The following CPPED1 variants were observed in gnomAD, a reference collection of about 807,000 sequenced individuals.
The protein encoded by CPPED1 is serine/threonine-protein phosphatase CPPED1.
In CPPED1, 28 loss-of-function variants were observed where a neutral mutation model predicts 28.0. The observed-to-expected ratio is 1.00, with a 90% CI of 0.74 to 1.37. The LOEUF is 1.37. Among genes scored for constraint, CPPED1 ranks in the 40% most tolerant of loss-of-function variants. The pLI, the probability that CPPED1 is intolerant of heterozygous loss-of-function variation, is 0.00. For synonymous variants in CPPED1, 198 were observed against 180.2 expected (o/e 1.10, Z -0.79); for missense variants, 504 against 416.5 (o/e 1.21, Z -1.83).
intron 2 of CPPED1, among the ~76,000 whole-genome samples, chr16:12,724,124 G>C (rs973321177): frequency 3.9e-5 from 6 of 152,116 alleles, no homozygotes; most frequent in East Asian, 1.9e-4. Context: ...GCTTCCTCCA[G>C]GTCAGGAATG....
intron 2 of CPPED1, among the ~76,000 whole-genome samples, chr16:12,712,856 A>C (rs1054281529): frequency 3.3e-5 from 5 of 152,218 alleles, no homozygotes; most frequent in Non-Finnish European, 4.4e-5. Flanking sequence ...AAAACATTTC[A>C]GTTTCCTGAA....
intron 2 of CPPED1, among the ~76,000 whole-genome samples, chr16:12,758,067 CCTTT>C (rs1356357192): frequency 3.3e-5 from 5 of 152,016 alleles, no homozygotes; most frequent in Non-Finnish European, 5.9e-5. Context: ...AAACAAAGCC[CCTTT>C]CTATCTCCCA....
intron 3 of CPPED1, among the ~76,000 whole-genome samples, chr16:12,678,034 A>G (rs974738805): frequency 3.3e-5 from 5 of 152,206 alleles, no homozygotes; most frequent in African/African-American, 9.6e-5. Context: ...GGCCACCCTC[A>G]CTAATAAAGC....
At chr16:12,762,102 T>A (rs75202666) in intron 2 of CPPED1, among the ~76,000 whole-genome samples, 2,690 of 152,282 alleles carry the variant, frequency 0.018, 68 homozygotes, top group East Asian at 0.12. Context: ...AGTTACAGTC[T>A]TAAAATAAAC....
rs1441603172 is a variant in CPPED1, at chr16:12,709,980, G to C, written c.290-4931C>G. Among the ~76,000 whole-genome samples the C allele has an allele frequency of 1.3e-5, 2 of 148,330 alleles. No individual in the cohort carries two copies. The highest frequency in any genetic ancestry group is 5.0e-5 in the African/African-American group (2 of 40,156). On this transcript the variant is annotated intron_variant, in intron 2 of 3. Coordinates refer to ENST00000381774, the MANE Select transcript of CPPED1 (RefSeq NM_018340.3). This position sits in a 1 kb window ranked among gnomAD's most constrained non-coding sequence, Gnocchi z 4.4. The stretch of plus-strand genomic sequence containing the variant: ...GAAGGGAAGGAAGGCAAGGAAGGAA[G>C]GAAGGGAAGAGAAGAGAAGGAAGGA...
At chr16:12,702,716 G>A (rs1029837564) in intron 3 of CPPED1, among the ~76,000 whole-genome samples, 2 of 152,042 alleles carry the variant, frequency 1.3e-5, no homozygotes, top group Non-Finnish European at 2.9e-5. Flanking sequence ...CATTAGATCT[G>A]GCCAGCTGCG....
At chr16:12,675,070 A>T (rs2079871296) in intron 3 of CPPED1, among the ~76,000 whole-genome samples, 1 of 152,234 alleles carries the variant, frequency 6.6e-6, no homozygotes, top group African/African-American at 2.4e-5. Flanking sequence ...AGGACCTATA[A>T]GAAGTTTTAC....
intron 3 of CPPED1, among the ~76,000 whole-genome samples, chr16:12,672,688 C>A (rs2079858603): frequency 6.6e-6 from 1 of 152,150 alleles, no homozygotes; most frequent in African/African-American, 2.4e-5. Flanking sequence ...GTGAGAGGCA[C>A]ATCATTCTCT....
chr16:12,679,421 G>A (rs2079893930), intron 3 of CPPED1, among the ~76,000 whole-genome samples: 1 of 152,004 alleles, frequency 6.6e-6, no homozygotes. Context: ...TAAAAATACA[G>A]AATATCAAAC....
chr16:12,684,940 T>C (rs1162644691), intron 3 of CPPED1, among the ~76,000 whole-genome samples: 2 of 152,194 alleles, frequency 1.3e-5, no homozygotes, highest in African/African-American at 4.8e-5. Context: ...CTCCCCTTCG[T>C]TGATATTATC....
intron 2 of CPPED1, among the ~76,000 whole-genome samples, chr16:12,710,507 A>C (rs1382132447): frequency 6.6e-6 from 1 of 152,248 alleles, no homozygotes; most frequent in Admixed American, 6.5e-5. Flanking sequence ...ATGAAAATGC[A>C]AAACGTTTGT....
At chr16:12,716,848 G>C (rs887942021) in intron 2 of CPPED1, among the ~76,000 whole-genome samples, 10 of 151,752 alleles carry the variant, frequency 6.6e-5, no homozygotes, top group African/African-American at 2.2e-4. Context: ...CTAGGGAGGG[G>C]CCCAGACATG....
chr16:12,778,477 T>C (rs950344247), intron 2 of CPPED1, among the ~76,000 whole-genome samples: 15 of 152,062 alleles, frequency 9.9e-5, no homozygotes, highest in African/African-American at 3.1e-4. Flanking sequence ...GGTTTCACCA[T>C]GTTGGCCAGG....
rs1230659476 is a variant in CPPED1 at position 12,803,792 on chromosome 16, G to C, written c.-16C>G. ...CAGCCGACATGGCGAGCGAGTTTCTGGCCTTCACTTAGAACACTGCGTGGG... is the reference window on the plus strand; with the variant it reads ...CAGCCGACATGGCGAGCGAGTTTCTCGCCTTCACTTAGAACACTGCGTGGG... On this transcript the variant is annotated 5_prime_UTR_variant, in exon 1 of 4. Transcript: ENST00000381774. 1.9e-6 allele frequency: 3 copies of C among 1,597,108 alleles called. No homozygotes were observed. In the South Asian group the frequency reaches 3.4e-5, roughly 18 times the overall value.
intron 2 of CPPED1, among the ~76,000 whole-genome samples, chr16:12,756,000 G>A (rs748246453): frequency 8.5e-5 from 13 of 152,082 alleles, no homozygotes; most frequent in Non-Finnish European, 1.6e-4. Flanking sequence ...GCGTGGTCGC[G>A]GGCACCTGTA....
At chr16:12,675,840 GGA>G (rs2141169379) in intron 3 of CPPED1, among the ~76,000 whole-genome samples, 1 of 152,278 alleles carries the variant, frequency 6.6e-6, no homozygotes, top group East Asian at 1.9e-4. Context: ...TAAAAAAGAG[GGA>G]GAGAAATGGA....
chr16:12,664,592 G>C lies in CPPED1; in HGVS notation c.*294C>G. On this transcript the variant is annotated 3_prime_UTR_variant, in exon 4 of 4. Coordinates refer to ENST00000381774, the MANE Select transcript of CPPED1 (RefSeq NM_018340.3). This position sits in a 1 kb window ranked among gnomAD's most constrained non-coding sequence, Gnocchi z 4.2. ...AACCAGAATACAATCCAATTCAAAA[G>C]TGGAGTTGAGAAACACAGCATTAGG... The C allele has an allele frequency of 8.3e-7, 1 of 1,201,114 alleles. No homozygotes were observed. Among genetic ancestry groups the C allele is most frequent in the Non-Finnish European group, 1.0e-6 (1 of 967,050 alleles). The allele number at this position is 1,201,114 out of a possible 1,614,324, so 74.4% of individuals were successfully genotyped here.
chr16:12,749,282 T>C (rs1303827346), intron 2 of CPPED1, among the ~76,000 whole-genome samples: 1 of 152,222 alleles, frequency 6.6e-6, no homozygotes, highest in Non-Finnish European at 1.5e-5. Flanking sequence ...CTAAATTCTT[T>C]GTTGTCATTT....
chr16:12,662,934 G>C lies in CPPED1; in HGVS notation c.*1952C>G, dbSNP rs779830247. The C allele has an allele frequency of 2.0e-5, 3 of 152,160 alleles. No individual in the cohort carries two copies. Among genetic ancestry groups the C allele is most frequent in the Admixed American group, 2.0e-4 (3 of 15,268 alleles). 9.4% of individuals were successfully genotyped at this position (152,160 alleles called of 1,614,324 possible). A position where few individuals can be genotyped will look rare whatever the true frequency, so the allele number is the denominator to read the frequency against. ...CATGTGCCACAATTCAGAGCATTGT[G>C]CATACGTAAGAACAGAGTGAGAGCT... On this transcript the variant is annotated 3_prime_UTR_variant, in exon 4 of 4. Transcript: ENST00000381774.
Sources: gnomAD v4.1 joint callset for allele counts (sites outside exome capture counted in the v4.1 genomes callset) on GRCh38, gnomAD v4.1.1 for gene constraint, Gnocchi (gnomAD v3.1) non-coding constraint, MANE v1.5 for transcripts, NCBI Gene and HGNC (gene_info 2026-07-23, HGNC 2026-07-21) for gene names.